Variants in NCS1 observed in about 807,000 individuals in gnomAD.
The protein encoded by NCS1 is frequenin homolog.
Under a neutral mutation model 28.4 loss-of-function variants are expected in NCS1, and 6 were observed. The observed-to-expected ratio is 0.21, with a 90% CI of 0.12 to 0.42. The LOEUF is 0.42. NCS1 is among the 10% of genes least tolerant of loss of function. The pLI, the probability that NCS1 is intolerant of heterozygous loss-of-function variation, is 1.00. For missense variants in NCS1, 131 were observed against 241.4 expected, an observed-to-expected ratio of 0.54 and a Z score of 3.03; for synonymous variants, 86 against 99.3, an observed-to-expected ratio of 0.87 and a Z score of 0.79.
intron 4 of NCS1, among the ~76,000 whole-genome samples, chr9:130,221,448 A>AGG (rs2131154719): frequency 7.1e-6 from 1 of 141,458 alleles, no homozygotes; most frequent in South Asian, 2.2e-4. Context: ...AGAGAGAGAG[A>AGG]GAGAAAGAGA....
intron 6 of NCS1, among the ~76,000 whole-genome samples, chr9:130,224,234 C>T (rs537711981): frequency 2.0e-5 from 3 of 147,378 alleles, no homozygotes; most frequent in Admixed American, 2.0e-4. Context: ...GCGGGTGAAT[C>T]ACCTGAGGTC....
rs1833550130 is a variant in NCS1 at position 130,234,426 on chromosome 9, C to T, written c.*1454C>T. 1.3e-5 allele frequency: 2 copies of T among 152,280 alleles called. No individual in the cohort carries two copies. Among genetic ancestry groups the T allele is most frequent in the African/African-American group, 4.8e-5 (2 of 41,442 alleles). The allele number at this position is 152,280 out of a possible 1,614,324, so 9.4% of individuals were successfully genotyped here. The stretch of plus-strand genomic sequence containing the variant: ...ACCATCACCAGGAATGCGAGGCCAC[C>T]CTGGACCAGAGGTAGGAGCCCAAGG... On this transcript the variant is annotated 3_prime_UTR_variant, in exon 8 of 8. Coordinates refer to ENST00000372398, the MANE Select transcript of NCS1 (RefSeq NM_014286.4). This position sits in a 1 kb window ranked among gnomAD's most constrained non-coding sequence, Gnocchi z 6.1.
Position 130,233,419 on chromosome 9 carries a change from G to GCCCTCGT in NCS1, c.*457_*463dup, listed in dbSNP as rs1181200240. On this transcript the variant is annotated 3_prime_UTR_variant, in exon 8 of 8. Coordinates refer to ENST00000372398, the MANE Select transcript of NCS1 (RefSeq NM_014286.4). The surrounding 1 kb of genome is among the most constrained non-coding windows in gnomAD (Gnocchi z 4.8). Reference sequence around the variant, plus strand: ...TGGGGACCTCAGAGAACTCTGCCTTGCCCTCGTCCCTCGTCCTTCGGCAGC... The same window carrying GCCCTCGT: ...TGGGGACCTCAGAGAACTCTGCCTTGCCCTCGTCCCTCGTCCCTCGTCCTTCGGCAGC... 1.3e-5 allele frequency: 2 copies of GCCCTCGT among 152,528 alleles called. No homozygotes were observed. Among genetic ancestry groups the GCCCTCGT allele is most frequent in the African/African-American group, 4.8e-5 (2 of 41,428 alleles). 9.4% of individuals were successfully genotyped at this position (152,528 alleles called of 1,614,324 possible). A position where few individuals can be genotyped will look rare whatever the true frequency, so the allele number is the denominator to read the frequency against.
intron 6 of NCS1, among the ~76,000 whole-genome samples, chr9:130,223,517 G>A (rs542656538): frequency 2.0e-5 from 3 of 152,260 alleles, no homozygotes; most frequent in Non-Finnish European, 2.9e-5. Flanking sequence ...GAAAACAGCT[G>A]TCAGAGTATT....
chr9:130,199,925 A>ATTCATTCC (rs1215707739), intron 1 of NCS1, among the ~76,000 whole-genome samples: 10 of 151,876 alleles, frequency 6.6e-5, no homozygotes, highest in Non-Finnish European at 8.8e-5. Flanking sequence ...TCATTCATTC[A>ATTCATTCC]TTCCACAAAC....
At chr9:130,221,745 T>A (rs1313649523) in intron 4 of NCS1, among the ~76,000 whole-genome samples, 1 of 141,426 alleles carries the variant, frequency 7.1e-6, no homozygotes, top group Non-Finnish European at 1.5e-5. Context: ...TTATTTTTAA[T>A]TTATAAATAA....
intron 1 of NCS1, among the ~76,000 whole-genome samples, chr9:130,174,755 G>A (rs936955090): frequency 9.4e-5 from 13 of 138,732 alleles, no homozygotes; most frequent in Non-Finnish European, 2.0e-4. Flanking sequence ...AGGTTGCGGT[G>A]AGGTGAGATT....
At chr9:130,183,826 T>C (rs1211175317) in intron 1 of NCS1, among the ~76,000 whole-genome samples, 10 of 151,462 alleles carry the variant, frequency 6.6e-5, no homozygotes, top group African/African-American at 2.2e-4. Context: ...CTTTTTTTTT[T>C]TGAGACAGAG....
chr9:130,172,840 G>A (rs1272024288), intron 1 of NCS1, 113 bp downstream of exon 1: 1 of 410,662 alleles, frequency 2.4e-6, no homozygotes, highest in Non-Finnish European at 3.6e-6. Flanking sequence ...CCTCCGCTCC[G>A]TCCTCCCCGC....
intron 2 of NCS1, among the ~76,000 whole-genome samples, chr9:130,211,409 AG>A (rs1166734972): frequency 1.3e-5 from 2 of 151,410 alleles, no homozygotes; most frequent in East Asian, 4.0e-4. Flanking sequence ...TTGAGTCGCC[AG>A]TCTGCAGGGA....
At position 130,181,593 on chromosome 9, in the gene NCS1, T is replaced by C. The variant is rs1378215580; in HGVS notation, c.64+8866T>C. 6.6e-6 allele frequency among the ~76,000 whole-genome samples: 1 copy of C among 151,982 alleles called. No individual in the cohort carries two copies. Among genetic ancestry groups the C allele is most frequent in the Non-Finnish European group, 1.5e-5 (1 of 67,988 alleles). On this transcript the variant is annotated intron_variant, in intron 1 of 7. Coordinates refer to ENST00000372398, the MANE Select transcript of NCS1 (RefSeq NM_014286.4). The surrounding 1 kb of genome is among the most constrained non-coding windows in gnomAD (Gnocchi z 5.0). ...GTCCCACGGCTGGAGAGTGGTGCCA[T>C]TGGGGTCTGATCCCCGTCCCCTCTC... is the stretch of plus-strand genomic sequence containing the variant.
intron 2 of NCS1, 68 bp from the exon 3 acceptor site, chr9:130,217,764 G>A (rs189270581): frequency 7.5e-6 from 12 of 1,609,422 alleles, no homozygotes; most frequent in South Asian, 5.5e-5. Flanking sequence ...CCGGGCAGGC[G>A]ATGTTGGTGG....
intron 2 of NCS1, among the ~76,000 whole-genome samples, chr9:130,208,605 C>T (rs1224887962): frequency 6.6e-6 from 1 of 152,126 alleles, no homozygotes. Flanking sequence ...TTTATAATAA[C>T]CAAATATCCT....
chr9:130,209,687 T>G lies in NCS1; in HGVS notation c.90-8145T>G, dbSNP rs2131143218. On this transcript the variant is annotated intron_variant, in intron 2 of 7. Transcript: ENST00000372398. The surrounding 1 kb of genome is among the most constrained non-coding windows in gnomAD (Gnocchi z 4.4). ...CCCAGCGCTGGCGTGGGAACTGTTT[T>G]GCAAGTGGTAGTCAGCTTTCAGGAT... Among the ~76,000 whole-genome samples the G allele has an allele frequency of 6.6e-6, 1 of 152,302 alleles. No individual in the cohort carries two copies. The highest frequency in any genetic ancestry group is 2.1e-4 in the South Asian group (1 of 4,824).
At chr9:130,200,823 C>G (rs1478686114) in intron 1 of NCS1, 135 bp from the exon 2 acceptor site, 30 of 1,449,616 alleles carry the variant, frequency 2.1e-5, no homozygotes, top group Non-Finnish European at 2.8e-5. Context: ...ATTTTCTCAT[C>G]CAGAGCAGGC....
chr9:130,198,729 G>T (rs1234188053), intron 1 of NCS1, among the ~76,000 whole-genome samples: 2 of 152,230 alleles, frequency 1.3e-5, no homozygotes, highest in Non-Finnish European at 2.9e-5. Flanking sequence ...TCAGTCAGGG[G>T]AAGCAATTTG....
chr9:130,230,652 T>C (rs1833488325), intron 7 of NCS1, among the ~76,000 whole-genome samples: 1 of 151,530 alleles, frequency 6.6e-6, no homozygotes, highest in African/African-American at 2.4e-5. Context: ...AAGGCTACAG[T>C]GAACTAGGAT....
At chr9:130,218,027 C>T in intron 3 of NCS1, 57 bp downstream of exon 3, 1 of 1,605,644 alleles carries the variant, frequency 6.2e-7, no homozygotes, top group Non-Finnish European at 8.5e-7. Flanking sequence ...TGGGTACCCG[C>T]AGCGTCTCCA....
At chr9:130,221,377 CATATATATAT>C (rs370084084) in intron 4 of NCS1, among the ~76,000 whole-genome samples, 2,139 of 84,390 alleles carry the variant, frequency 0.025, 26 homozygotes, top group Middle Eastern at 0.045. Flanking sequence ...TATAAAATAT[CATATATATAT>C]ATATATATAT....
Sources: gnomAD v4.1 joint callset for allele counts (sites outside exome capture counted in the v4.1 genomes callset) on GRCh38, gnomAD v4.1.1 for gene constraint, Gnocchi (gnomAD v3.1) non-coding constraint, MANE v1.5 for transcripts, NCBI Gene and HGNC (gene_info 2026-07-23, HGNC 2026-07-21) for gene names.